The following UBP1 variants were observed in gnomAD, a reference collection of about 807,000 sequenced individuals.
UBP1 encodes upstream-binding protein 1.
UBP1 carries 22 observed loss-of-function variants against 76.1 expected under a neutral mutation model. That is an observed-to-expected ratio of 0.29 (90% CI 0.21 to 0.41). UBP1 has a LOEUF of 0.41. Ranked by LOEUF, UBP1 falls within the 10% of genes least tolerant of loss-of-function variation. UBP1 has a pLI of 1.00. For missense variants in UBP1, 436 were observed against 668.1 expected (o/e 0.65, Z 3.83); for synonymous variants, 224 against 237.1 (o/e 0.94, Z 0.51).
chr3:33,412,967 C>G (rs1043543008), intron 3 of UBP1, 140 bp from the exon 4 acceptor site: 2 of 521,288 alleles, frequency 3.8e-6, no homozygotes, highest in Non-Finnish European at 6.9e-6. Context: ...TAAGTGAACT[C>G]TTTTGCCCTT....
chr3:33,404,082 G>A (rs2044345766), intron 8 of UBP1, among the ~76,000 whole-genome samples: 1 of 152,126 alleles, frequency 6.6e-6, no homozygotes, highest in Admixed American at 6.5e-5. Flanking sequence ...GCAACACAGT[G>A]AGACCCTGTT....
At chr3:33,396,122 G>T in intron 13 of UBP1, 40 bp downstream of exon 13, 1 of 1,493,596 alleles carries the variant, frequency 6.7e-7, no homozygotes, top group Admixed American at 1.7e-5. Flanking sequence ...CTGTCTGACA[G>T]TCTCAGAAGT....
At chr3:33,405,180 T>G (rs2044383899) in intron 8 of UBP1, among the ~76,000 whole-genome samples, 1 of 151,900 alleles carries the variant, frequency 6.6e-6, no homozygotes, top group South Asian at 2.1e-4. Context: ...AAAATAAAAA[T>G]AAATAAGAAA....
At chr3:33,408,088 T>TG (rs746539183) in intron 8 of UBP1, among the ~76,000 whole-genome samples, 6 of 151,660 alleles carry the variant, frequency 4.0e-5, no homozygotes, top group Non-Finnish European at 8.8e-5. Flanking sequence ...ACAATGCAAC[T>TG]GCCAAGAAGA....
chr3:33,434,843 T>A (rs1559694767), intron 1 of UBP1, among the ~76,000 whole-genome samples: 1 of 152,018 alleles, frequency 6.6e-6, no homozygotes, highest in African/African-American at 2.4e-5. Context: ...TGCGCCACCA[T>A]GCCCAGCTAA....
intron 8 of UBP1, among the ~76,000 whole-genome samples, chr3:33,404,648 G>GA (rs951229851): frequency 2.6e-5 from 4 of 151,710 alleles, no homozygotes; most frequent in Non-Finnish European, 5.9e-5. Flanking sequence ...CCCCCATCTT[G>GA]AAAAAAAGGA....
intron 8 of UBP1, among the ~76,000 whole-genome samples, chr3:33,407,969 C>A (rs894437624): frequency 6.6e-6 from 1 of 152,172 alleles, no homozygotes; most frequent in Non-Finnish European, 1.5e-5. Context: ...ATTTGCTATA[C>A]TTAACTGGAC....
Position 33,409,489 on chromosome 3 carries a change from T to C in UBP1, c.668A>G (p.Asp223Gly). Residue 223 changes from aspartate (D) to glycine (G), a missense_variant, in exon 6 of 16, where the codon GAT becomes GGT. Transcript: ENST00000283629. Reference protein sequence around the residue: ...FKQNENGEYTDHLHSASCQIK... With the variant: ...FKQNENGEYTGHLHSASCQIK... ...TTGGCAGCTAGCTGAGTGTAGATGATCTGTGTATTCTCCATTTTCATTCTG... is the reference window on the plus strand; with the variant it reads ...TTGGCAGCTAGCTGAGTGTAGATGACCTGTGTATTCTCCATTTTCATTCTG... 2 of 1,614,046 alleles carry C rather than the reference T, an allele frequency of 1.2e-6. No homozygotes were observed. The highest frequency in any genetic ancestry group is 1.1e-5 in the South Asian group (1 of 91,082).
At chr3:33,433,371 A>G (rs796568408) in intron 1 of UBP1, among the ~76,000 whole-genome samples, 26 of 149,990 alleles carry the variant, frequency 1.7e-4, no homozygotes, top group African/African-American at 5.8e-4. Flanking sequence ...CCTTTAAAAA[A>G]AAAAAAAAAA....
chr3:33,404,566 G>A (rs1296161876), intron 8 of UBP1, among the ~76,000 whole-genome samples: 1 of 151,712 alleles, frequency 6.6e-6, no homozygotes, highest in Non-Finnish European at 1.5e-5. Flanking sequence ...AGAATTGCTT[G>A]AATCTGGGAA....
chr3:33,406,292 C>G (rs1438984219), intron 8 of UBP1, among the ~76,000 whole-genome samples: 1 of 152,156 alleles, frequency 6.6e-6, no homozygotes, highest in Non-Finnish European at 1.5e-5. Context: ...TTTCTTTCCA[C>G]CTTACAAAGT....
chr3:33,404,104 A>C (rs1027706439), intron 8 of UBP1, among the ~76,000 whole-genome samples: 38 of 152,270 alleles, frequency 2.5e-4, no homozygotes, highest in African/African-American at 8.9e-4. Context: ...CTACCAAAAA[A>C]TAAAAACAAT....
At chr3:33,439,292 C>T (rs1443340604) in intron 1 of UBP1, among the ~76,000 whole-genome samples, 8 of 152,196 alleles carry the variant, frequency 5.3e-5, no homozygotes, top group African/African-American at 1.4e-4. Flanking sequence ...AAATCTGCAG[C>T]CAGAAAAGAT....
intron 4 of UBP1, 125 bp downstream of exon 4, chr3:33,412,597 A>AT: frequency 1.6e-6 from 1 of 638,402 alleles, no homozygotes; most frequent in South Asian, 2.0e-5. Flanking sequence ...AAAAAAAAAA[A>AT]GACACAAAAT....
chr3:33,423,064 CAG>C (rs1269537409), intron 2 of UBP1, among the ~76,000 whole-genome samples: 1 of 146,006 alleles, frequency 6.8e-6, no homozygotes, highest in Non-Finnish European at 1.5e-5. Context: ...TTTTTTGAGA[CAG>C]AGTCTCGCTC....
At chr3:33,396,373 C>T in intron 12 of UBP1, 93 bp from the exon 13 acceptor site, 1 of 920,858 alleles carries the variant, frequency 1.1e-6, no homozygotes, top group Non-Finnish European at 1.6e-6. Context: ...AGTTCTATTT[C>T]CTTATGAGAA....
At chr3:33,413,777 T>C (rs1410747344) in intron 3 of UBP1, among the ~76,000 whole-genome samples, 1 of 152,096 alleles carries the variant, frequency 6.6e-6, no homozygotes. Flanking sequence ...CTTCCTTACC[T>C]GCACCCACAC....
intron 11 of UBP1, chr3:33,398,312 A>C (rs1395182157): frequency 6.6e-6 from 1 of 152,194 alleles, no homozygotes; most frequent in African/African-American, 2.4e-5. Context: ...CTGTAAAACA[A>C]AGATCAGAGA....
intron 13 of UBP1, among the ~76,000 whole-genome samples, chr3:33,395,464 C>T (rs2043938935): frequency 6.6e-6 from 1 of 151,164 alleles, no homozygotes; most frequent in Admixed American, 6.6e-5. Context: ...TTTTAAGGGC[C>T]ATATTTAGAG....
Sources: allele counts gnomAD v4.1 joint callset (sites outside exome capture counted in the v4.1 genomes callset), GRCh38; gene constraint gnomAD v4.1.1; transcripts MANE v1.5; gene names NCBI Gene and HGNC (gene_info 2026-07-23, HGNC 2026-07-21).